The following FGF2 variants were observed in gnomAD, a reference collection of about 807,000 sequenced individuals.
FGF2 encodes the protein fibroblast growth factor 2.
In FGF2, 13 loss-of-function variants were observed where a neutral mutation model predicts 15.9. The observed-to-expected ratio is 0.82, with a 90% CI of 0.53 to 1.30. The LOEUF (loss-of-function observed/expected upper bound fraction) is 1.30, where lower values mean the gene tolerates loss of function less well. Ranked by LOEUF, FGF2 falls within the 50% of genes most tolerant of loss-of-function variation. The pLI is 0.00. For synonymous variants in FGF2, 90 were observed against 78.4 expected (o/e 1.15, Z -0.78); for missense variants, 163 against 196.9 (o/e 0.83, Z 1.03).
chr4:122,844,211 T>A (rs1464776828), intron 1 of FGF2, among the ~76,000 whole-genome samples: 1 of 152,380 alleles, frequency 6.6e-6, no homozygotes, highest in East Asian at 1.9e-4. Context: ...AGCTGTAGAT[T>A]CTATCTCAAG....
At chr4:122,869,163 G>A (rs557446025) in intron 1 of FGF2, among the ~76,000 whole-genome samples, 1 of 151,644 alleles carries the variant, frequency 6.6e-6, no homozygotes, top group East Asian at 1.9e-4. Flanking sequence ...AATTGCTTTT[G>A]TTGAGGTCTC....
chr4:122,839,244 C>A lies in FGF2; in HGVS notation c.178+11892C>A, dbSNP rs76600324. 6.1e-3 allele frequency among the ~76,000 whole-genome samples: 931 copies of A among 152,234 alleles called. 5 individuals carry two copies. Among genetic ancestry groups the A allele is most frequent in the Admixed American group, 9.8e-3 (150 of 15,274 alleles). On this transcript the variant is annotated intron_variant, in intron 1 of 2. Transcript: ENST00000644866. ...TTGAAAAGGTACAGTAAAAATATGA[C>A]ATTATAGTCTTATGGGACCACTGTC...
intron 1 of FGF2, among the ~76,000 whole-genome samples, chr4:122,830,462 A>G (rs1402177498): frequency 1.3e-5 from 2 of 152,200 alleles, no homozygotes; most frequent in Non-Finnish European, 1.5e-5. Context: ...TTTGCACTCA[A>G]AAGGGCCCAT....
chr4:122,889,580 C>T (rs1361220469), intron 2 of FGF2, among the ~76,000 whole-genome samples: 3 of 152,028 alleles, frequency 2.0e-5, no homozygotes, highest in Non-Finnish European at 1.5e-5. Flanking sequence ...AATTTTGGCC[C>T]TACTACTCAT....
chr4:122,847,018 T>C (rs1197697458), intron 1 of FGF2, among the ~76,000 whole-genome samples: 1 of 152,222 alleles, frequency 6.6e-6, no homozygotes, highest in Non-Finnish European at 1.5e-5. Flanking sequence ...TCCTCACTCA[T>C]TCATCTGCCC....
rs1400640518 is a variant in FGF2 at position 122,894,628 on chromosome 4, C to G, written c.*2232C>G. ...TCCTTAATAAGAAAAGTAATTTTTA[C>G]TCTGATGTGCAATACATTTGTTATT... On this transcript the variant is annotated 3_prime_UTR_variant, in exon 3 of 3. Coordinates refer to ENST00000644866, the MANE Select transcript of FGF2 (RefSeq NM_001361665.2). 1 of 152,082 alleles carries G rather than the reference C, an allele frequency of 6.6e-6. No homozygotes were observed. Among genetic ancestry groups the G allele is most frequent in the African/African-American group, 2.4e-5 (1 of 41,394 alleles). The allele number at this position is 152,082 out of a possible 1,614,324, so 9.4% of individuals were successfully genotyped here.
intron 2 of FGF2, among the ~76,000 whole-genome samples, chr4:122,879,526 A>G (rs903401869): frequency 3.3e-5 from 5 of 152,228 alleles, no homozygotes; most frequent in African/African-American, 1.2e-4. Context: ...GGGTCAGTGA[A>G]TGCCTTGAGA....
At chr4:122,839,466 A>G (rs926717906) in intron 1 of FGF2, among the ~76,000 whole-genome samples, 1 of 152,192 alleles carries the variant, frequency 6.6e-6, no homozygotes, top group African/African-American at 2.4e-5. Context: ...CTGAGTGTCT[A>G]CTATGTGAGG....
chr4:122,840,058 A>G (rs566030484), intron 1 of FGF2, among the ~76,000 whole-genome samples: 1 of 152,220 alleles, frequency 6.6e-6, no homozygotes, highest in East Asian at 1.9e-4. Flanking sequence ...GACCTCAGTC[A>G]GATTGGATGG....
At chr4:122,886,937 C>G (rs1217661780) in intron 2 of FGF2, among the ~76,000 whole-genome samples, 1 of 151,746 alleles carries the variant, frequency 6.6e-6, no homozygotes, top group East Asian at 1.9e-4. Flanking sequence ...TAAGCTTAAG[C>G]TGACAGAGCA....
chr4:122,869,953 T>C (rs1408644157), intron 1 of FGF2, among the ~76,000 whole-genome samples: 3 of 151,914 alleles, frequency 2.0e-5, no homozygotes, highest in Non-Finnish European at 4.4e-5. Flanking sequence ...GCCCATTCAA[T>C]ATATTGGCTG....
intron 1 of FGF2, among the ~76,000 whole-genome samples, chr4:122,854,656 G>A (rs1392235049): frequency 6.6e-6 from 1 of 152,210 alleles, no homozygotes; most frequent in Admixed American, 6.5e-5. Flanking sequence ...CATATGTCAT[G>A]CAGGGGATGC....
At chr4:122,872,054 A>G (rs551577224) in intron 1 of FGF2, among the ~76,000 whole-genome samples, 10 of 152,254 alleles carry the variant, frequency 6.6e-5, no homozygotes, top group African/African-American at 2.2e-4. Context: ...GCTTCAGAAG[A>G]TGGGTAATAA....
At chr4:122,852,667 T>C (rs546354017) in intron 1 of FGF2, among the ~76,000 whole-genome samples, 39 of 152,224 alleles carry the variant, frequency 2.6e-4, no homozygotes, top group Non-Finnish European at 4.7e-4. Context: ...TTGTTTTCTG[T>C]GTCAGTTTTT....
At chr4:122,868,366 C>T (rs895258662) in intron 1 of FGF2, among the ~76,000 whole-genome samples, 1 of 152,062 alleles carries the variant, frequency 6.6e-6, no homozygotes, top group Non-Finnish European at 1.5e-5. Context: ...AGAGAACATG[C>T]GGTATTTGGT....
chr4:122,829,915 C>T (rs1374276999), intron 1 of FGF2, among the ~76,000 whole-genome samples: 2 of 152,090 alleles, frequency 1.3e-5, no homozygotes, highest in Non-Finnish European at 2.9e-5. Flanking sequence ...AGGAGACCCC[C>T]CAAAACAAAT....
At chr4:122,864,348 T>C (rs1726530173) in intron 1 of FGF2, among the ~76,000 whole-genome samples, 1 of 152,222 alleles carries the variant, frequency 6.6e-6, no homozygotes, top group African/African-American at 2.4e-5. Flanking sequence ...CTGTTGTGTG[T>C]CGGGCAGTGT....
Position 122,851,203 on chromosome 4 carries a change from A to G in FGF2, c.178+23851A>G, listed in dbSNP as rs144572513. On this transcript the variant is annotated intron_variant, in intron 1 of 2. Transcript: ENST00000644866. ...GTGGTTCAGCATTCAGCAAAAGAAG[A>G]GGATTAGGACTGCTGATCTTGACCC... Among the ~76,000 whole-genome samples, 570 of 152,308 alleles carry G rather than the reference A, an allele frequency of 3.7e-3. 4 individuals are homozygous for G. The highest frequency in any genetic ancestry group is 0.013 in the African/African-American group (546 of 41,566).
intron 1 of FGF2, among the ~76,000 whole-genome samples, chr4:122,872,533 A>G (rs191919829): frequency 2.2e-3 from 337 of 152,050 alleles, no homozygotes; most frequent in Non-Finnish European, 3.8e-3. Flanking sequence ...AACACCACCA[A>G]GATACTCCAC....
Sources: allele counts gnomAD v4.1 joint callset (sites outside exome capture counted in the v4.1 genomes callset), GRCh38; gene constraint gnomAD v4.1.1; transcripts MANE v1.5; gene names NCBI Gene and HGNC (gene_info 2026-07-23, HGNC 2026-07-21).